RBFOX1: variants seen among roughly 807,000 people sequenced by gnomAD.
The protein encoded by RBFOX1 is RNA binding fox-1 homolog 1.
In RBFOX1, 8 loss-of-function variants were observed where a neutral mutation model predicts 57.7. That is an observed-to-expected ratio of 0.14 (90% CI 0.08 to 0.25). The LOEUF is 0.25. Among genes scored for constraint, RBFOX1 ranks in the 10% least tolerant of loss-of-function variants. RBFOX1 has a pLI of 1.00. For synonymous variants in RBFOX1, 326 were observed against 222.4 expected (o/e 1.47, Z -4.15); for missense variants, 611 against 548.5 (o/e 1.11, Z -1.14).
At chr16:5,506,807 A>G (rs2043395456) in intron 2 of RBFOX1, among the ~76,000 whole-genome samples, 1 of 152,156 alleles carries the variant, frequency 6.6e-6, no homozygotes, top group Admixed American at 6.5e-5. Flanking sequence ...TGGGTAATTC[A>G]GGAGCTTCCA....
intron 5 of RBFOX1, among the ~76,000 whole-genome samples, chr16:7,548,894 A>G (rs1212483862): frequency 6.6e-6 from 1 of 152,190 alleles, no homozygotes; most frequent in Admixed American, 6.6e-5. Flanking sequence ...CATAGTCACT[A>G]TGAAGACCTG....
intron 3 of RBFOX1, among the ~76,000 whole-genome samples, chr16:6,848,783 C>T (rs775894702): frequency 6.6e-6 from 1 of 152,082 alleles, no homozygotes; most frequent in Admixed American, 6.5e-5. Context: ...CAGCAGGCAG[C>T]ATTTAAAGAG....
chr16:6,965,799 A>G (rs946420039), intron 3 of RBFOX1, among the ~76,000 whole-genome samples: 17 of 152,164 alleles, frequency 1.1e-4, no homozygotes, highest in Non-Finnish European at 1.6e-4. Flanking sequence ...GGTCCTGTTC[A>G]TTAGTCAGTC....
Position 6,871,367 on chromosome 16 carries a change from G to A in RBFOX1, c.-15-180690G>A, listed in dbSNP as rs547852395. 9.2e-5 allele frequency among the ~76,000 whole-genome samples: 14 copies of A among 152,160 alleles called. No individual in the cohort carries two copies. The South Asian group carries it at 2.7e-3, about 29-fold the overall frequency. On this transcript the variant is annotated intron_variant, in intron 3 of 15. Coordinates refer to ENST00000550418, the MANE Select transcript of RBFOX1 (RefSeq NM_018723.4). ...CGCCTGGCTAATTTTTGTATTTTTA[G>A]TAGACATAGGGTTTCAGTATGTTGG... is the stretch of plus-strand genomic sequence containing the variant.
intron 4 of RBFOX1, among the ~76,000 whole-genome samples, chr16:5,996,786 C>G (rs945427831): frequency 6.6e-6 from 1 of 152,172 alleles, no homozygotes; most frequent in Admixed American, 6.5e-5. Context: ...TCCAATGTCA[C>G]CCTCTTTCCT....
At chr16:6,836,952 G>C (rs530263914) in intron 3 of RBFOX1, among the ~76,000 whole-genome samples, 64 of 152,256 alleles carry the variant, frequency 4.2e-4, no homozygotes, top group African/African-American at 1.5e-3. Context: ...CAGTAGAAGG[G>C]TGGAAGGATG....
intron 3 of RBFOX1, among the ~76,000 whole-genome samples, chr16:6,922,968 A>G (rs896355708): frequency 6.6e-6 from 1 of 152,182 alleles, no homozygotes; most frequent in Admixed American, 6.5e-5. Flanking sequence ...AAATCAGATG[A>G]TGTAAGGTGC....
chr16:6,129,854 G>A (rs2096617601), intron 1 of RBFOX1, among the ~76,000 whole-genome samples: 1 of 151,710 alleles, frequency 6.6e-6, no homozygotes, highest in African/African-American at 2.4e-5. Flanking sequence ...AGAAACTGTG[G>A]AGGCCAGAAG....
In RBFOX1 at chr16:5,538,508, G is replaced by A. The variant is rs558749823; in HGVS notation, c.259-60394G>A. Among the ~76,000 whole-genome samples, 3 of 152,262 alleles carry A rather than the reference G, an allele frequency of 2.0e-5. No homozygotes were observed. In the East Asian group the frequency reaches 5.8e-4, roughly 29 times the overall value. ...CAATAAACAAGGGTAACACTGGCTT[G>A]AGGTTGGACAGGCAGTTGTGTTTTT... is the stretch of plus-strand genomic sequence containing the variant. On this transcript the variant is annotated intron_variant, in intron 2 of 2. Transcript: ENST00000585867.
intron 3 of RBFOX1, among the ~76,000 whole-genome samples, chr16:5,638,917 C>T (rs542585520): frequency 3.3e-5 from 5 of 152,272 alleles, no homozygotes; most frequent in African/African-American, 1.2e-4. Flanking sequence ...CTGTGAAACC[C>T]AACTCAAATG....
chr16:6,282,377 T>A (rs1361137044), intron 1 of RBFOX1, among the ~76,000 whole-genome samples: 30 of 116,090 alleles, frequency 2.6e-4, no homozygotes, highest in Admixed American at 1.3e-3. Flanking sequence ...TTTTTTTTTT[T>A]AATTTTACTT....
intron 3 of RBFOX1, among the ~76,000 whole-genome samples, chr16:6,661,124 T>C (rs1020960968): frequency 1.3e-5 from 2 of 152,222 alleles, no homozygotes; most frequent in African/African-American, 2.4e-5. Flanking sequence ...TCAGTATTGC[T>C]GTTTTCTAAG....
chr16:5,901,826 C>A (rs1182427476), intron 4 of RBFOX1, among the ~76,000 whole-genome samples: 1 of 152,196 alleles, frequency 6.6e-6, no homozygotes. Flanking sequence ...CCACCTAATG[C>A]TTTTGCTTAT....
intron 4 of RBFOX1, among the ~76,000 whole-genome samples, chr16:7,400,150 C>T (rs907715353): frequency 2.6e-5 from 4 of 152,080 alleles, no homozygotes; most frequent in Non-Finnish European, 4.4e-5. Flanking sequence ...CTGATTCTGC[C>T]ATTTATGCTT....
intron 4 of RBFOX1, among the ~76,000 whole-genome samples, chr16:5,996,832 C>T (rs557839598): frequency 1.3e-5 from 2 of 152,298 alleles, no homozygotes; most frequent in South Asian, 4.1e-4. Flanking sequence ...ATCAGCCAAA[C>T]CCTCCAGGAA....
At chr16:6,102,553 C>G (rs1405161127) in intron 1 of RBFOX1, among the ~76,000 whole-genome samples, 1 of 151,916 alleles carries the variant, frequency 6.6e-6, no homozygotes, top group African/African-American at 2.4e-5. Flanking sequence ...GGATAATTCT[C>G]TCTCTCTCTC....
At chr16:5,579,884 C>G (rs28631105) in intron 2 of RBFOX1, among the ~76,000 whole-genome samples, 55,240 of 151,826 alleles carry the variant, frequency 0.36, 10,346 homozygotes, top group Non-Finnish European at 0.41. Flanking sequence ...TTCAGCCTCC[C>G]AAGTAGCTGG....
intron 4 of RBFOX1, among the ~76,000 whole-genome samples, chr16:7,271,191 C>T (rs1024308738): frequency 4.6e-5 from 7 of 152,108 alleles, no homozygotes; most frequent in East Asian, 1.9e-4. Flanking sequence ...TAAATGGAGA[C>T]GGGATGCACT....
chr16:7,281,177 A>G (rs1270705943), intron 4 of RBFOX1, among the ~76,000 whole-genome samples: 1 of 151,606 alleles, frequency 6.6e-6, no homozygotes, highest in Non-Finnish European at 1.5e-5. Flanking sequence ...TAATTTTTAT[A>G]TTTTTAGTAG....
Sources: gnomAD v4.1 joint callset for allele counts (sites outside exome capture counted in the v4.1 genomes callset) on GRCh38, gnomAD v4.1.1 for gene constraint, MANE v1.5 for transcripts, NCBI Gene and HGNC (gene_info 2026-07-23, HGNC 2026-07-21) for gene names.